The following ADGRV1 variants were observed in gnomAD, a reference collection of about 807,000 sequenced individuals.
The protein encoded by ADGRV1 is G-protein coupled receptor 98.
ADGRV1 carries 359 observed loss-of-function variants against 596.2 expected under a neutral mutation model. The observed-to-expected ratio is 0.60, with a 90% CI of 0.55 to 0.66. The LOEUF is 0.66. Ranked by LOEUF, ADGRV1 falls within the 30% of genes least tolerant of loss-of-function variation. ADGRV1 has a pLI of 0.00. For synonymous variants in ADGRV1, 2,681 were observed against 2,679.2 expected (o/e 1.00, Z -0.02); for missense variants, 7,274 against 7,575.6 (o/e 0.96, Z 1.48).
chr5:91,078,145 G>C (rs575319009), intron 86 of ADGRV1, among the ~76,000 whole-genome samples: 1 of 151,944 alleles, frequency 6.6e-6, no homozygotes, highest in Non-Finnish European at 1.5e-5. Flanking sequence ...GAGGATGAAT[G>C]CTTCCATTTC....
rs1413836551 is a variant in ADGRV1 at position 90,712,423 on chromosome 5, C to T, written c.9179C>T (p.Thr3060Ile). The change falls in exon 42 of 90, where the codon ACA becomes ATA. Residue 3060 changes from threonine (T) to isoleucine (I), a missense_variant. Around this residue, in one of 5 missense-constraint regions of ADGRV1, gnomAD observed 3,643 missense variants for 3,809.2 expected, o/e 0.96. Transcript: ENST00000405460. Reference protein sequence around the residue: ...PSPGLELGKNTIALIIVLAND... With the variant: ...PSPGLELGKNIIALIIVLAND... Reference sequence around the variant, plus strand: ...CCTGGACTAGAGCTAGGGAAAAATACAATAGGTAATTAATAATTTCTTATA... The same window carrying T: ...CCTGGACTAGAGCTAGGGAAAAATATAATAGGTAATTAATAATTTCTTATA... 4 of 1,582,008 alleles carry T rather than the reference C, an allele frequency of 2.5e-6. No individual in the cohort carries two copies. The highest frequency in any genetic ancestry group is 2.7e-5 in the African/African-American group (2 of 74,280).
chr5:91,099,447 C>G (rs1299298336), intron 86 of ADGRV1, among the ~76,000 whole-genome samples: 2 of 152,118 alleles, frequency 1.3e-5, no homozygotes, highest in Non-Finnish European at 2.9e-5. Flanking sequence ...TGTCAGAAGC[C>G]AATCGTTGTG....
At position 91,107,038 on chromosome 5, in the gene ADGRV1, G is replaced by A. The variant is rs116511505; in HGVS notation, c.18432+4698G>A. On this transcript the variant is annotated intron_variant, in intron 87 of 89. Coordinates refer to ENST00000405460, the MANE Select transcript of ADGRV1 (RefSeq NM_032119.4). ...AGCTGTGGTTCCCAAACCGTTATGT[G>A]TAGCAGAATTCCATGGGGAGCTTGT... 1.9e-3 allele frequency among the ~76,000 whole-genome samples: 296 copies of A among 152,298 alleles called. 1 individual carries two copies. The highest frequency in any genetic ancestry group is 7.0e-3 in the African/African-American group (290 of 41,548).
chr5:91,033,321 C>T (rs1784624837), intron 85 of ADGRV1, among the ~76,000 whole-genome samples: 1 of 152,082 alleles, frequency 6.6e-6, no homozygotes, highest in Non-Finnish European at 1.5e-5. Context: ...CTAGAGTTTT[C>T]TATAGGAATT....
chr5:90,685,746 T>C (rs181686617), intron 28 of ADGRV1, 34 bp from the exon 29 acceptor site: 2 of 1,528,804 alleles, frequency 1.3e-6, no homozygotes, highest in Non-Finnish European at 1.8e-6. Flanking sequence ...TTTTGATAGC[T>C]TTCTGTGTTC....
intron 53 of ADGRV1, 104 bp downstream of exon 53, chr5:90,750,801 A>G: frequency 1.3e-6 from 1 of 768,620 alleles, no homozygotes; most frequent in Non-Finnish European, 2.1e-6. Context: ...GTTTGACCAT[A>G]TCAACACTGA....
At chr5:90,768,520 G>A (rs929556998) in intron 59 of ADGRV1, among the ~76,000 whole-genome samples, 51 of 152,010 alleles carry the variant, frequency 3.4e-4, no homozygotes, top group African/African-American at 1.2e-3. Flanking sequence ...TTATACCTAC[G>A]GTACATCCCA....
chr5:91,035,861 T>TATATAATATATATATATA, intron 85 of ADGRV1, among the ~76,000 whole-genome samples: 4 of 96,400 alleles, frequency 4.1e-5, no homozygotes, highest in African/African-American at 1.1e-4. Context: ...TATATATATA[T>TATATAATATATATATATA]TATATATATA....
chr5:90,645,921 T>A, intron 15 of ADGRV1, 47 bp from the exon 16 acceptor site: 1 of 1,442,376 alleles, frequency 6.9e-7, no homozygotes, highest in Non-Finnish European at 9.3e-7. Flanking sequence ...ATGATGTAAT[T>A]TATATGTATA....
chr5:90,815,543 T>C, intron 74 of ADGRV1, 76 bp from the exon 75 acceptor site: 1 of 776,616 alleles, frequency 1.3e-6, no homozygotes, highest in Non-Finnish European at 2.2e-6. Flanking sequence ...CCATCTGAGC[T>C]GGCAAGATTA....
chr5:90,558,809 C>T lies in ADGRV1; in HGVS notation c.-87C>T, dbSNP rs893654315. The T allele has an allele frequency of 3.7e-6, 5 of 1,336,540 alleles. No individual in the cohort carries two copies. The highest frequency in any genetic ancestry group is 5.3e-6 in the Non-Finnish European group (5 of 951,114). The allele number at this position is 1,336,540 out of a possible 1,614,324, so 82.8% of individuals were successfully genotyped here. On this transcript the variant is annotated 5_prime_UTR_variant, in exon 1 of 90. Transcript: ENST00000405460. ...CTGATCCTGTAGTGGTAGTAAGAAT[C>T]AGCAGCGCGGGCAAGGAGTACGGAC...
intron 83 of ADGRV1, among the ~76,000 whole-genome samples, chr5:90,865,046 C>T (rs1767963829): frequency 6.6e-6 from 1 of 152,004 alleles, no homozygotes; most frequent in African/African-American, 2.4e-5. Flanking sequence ...TTCTGTCACC[C>T]TTTTTTGTTC....
intron 85 of ADGRV1, among the ~76,000 whole-genome samples, chr5:91,009,505 T>A (rs569042233): frequency 8.5e-5 from 13 of 152,150 alleles, no homozygotes; most frequent in Non-Finnish European, 1.8e-4. Context: ...GATTTCAGAA[T>A]AAATTTTATT....
intron 1 of ADGRV1, among the ~76,000 whole-genome samples, chr5:90,610,698 G>T (rs1430789274): frequency 2.0e-5 from 3 of 152,020 alleles, no homozygotes; most frequent in Non-Finnish European, 2.9e-5. Context: ...ATATGAGTTT[G>T]CAGTATCACA....
In ADGRV1 at chr5:90,728,685, G is replaced by C; in HGVS notation, c.10178G>C (p.Gly3393Ala). ...TTCCTTCAGGTCTTCAGGTGGAATG[G>C]AGGAAGCTTCGTGTTGCATCAAAAA... Reference protein sequence around the residue: ...SELTQVFRWNGGSFVLHQKLP... With the variant: ...SELTQVFRWNAGSFVLHQKLP... Residue 3393 changes from glycine (G) to alanine (A), a missense_variant, in exon 49 of 90, where the codon GGA becomes GCA. Physicochemically the swap from Gly to Ala is moderately conservative, Grantham distance 60. Coordinates refer to ENST00000405460, the MANE Select transcript of ADGRV1 (RefSeq NM_032119.4). 2.5e-6 allele frequency: 4 copies of C among 1,610,028 alleles called. No individual in the cohort carries two copies. The highest frequency in any genetic ancestry group is 3.4e-6 in the Non-Finnish European group (4 of 1,177,102).
chr5:91,077,438 C>G (rs1045457658), intron 86 of ADGRV1, among the ~76,000 whole-genome samples: 1 of 152,186 alleles, frequency 6.6e-6, no homozygotes, highest in Non-Finnish European at 1.5e-5. Context: ...TCCCTTACAC[C>G]GTGTATTTTG....
At position 90,783,955 on chromosome 5, in the gene ADGRV1, A is replaced by G. The variant is rs772386126; in HGVS notation, c.13551A>G (p.Ile4517Met). 3.1e-6 allele frequency: 5 copies of G among 1,612,212 alleles called. No individual in the cohort carries two copies. Among genetic ancestry groups the G allele is most frequent in the Middle Eastern group, 1.7e-4 (1 of 6,052 alleles). The stretch of plus-strand genomic sequence containing the variant: ...AGAGTGACTCTCCCTTTGGAGTTAT[A>G]AGGTTTCTCAATCAAAGCAAAATTT... ...IAKSDSPFGV[I>M]RFLNQSKISI... The change falls in exon 67 of 90, where the codon ATA becomes ATG. Residue 4517 changes from isoleucine to methionine, a missense_variant. This residue lies in a region of ADGRV1 where 3,643 missense variants were observed against 3,809.2 expected (regional missense o/e 0.96). Transcript: ENST00000405460.
At chr5:90,837,290 G>C (rs2150348711) in intron 77 of ADGRV1, among the ~76,000 whole-genome samples, 1 of 151,898 alleles carries the variant, frequency 6.6e-6, no homozygotes, top group Non-Finnish European at 1.5e-5. Flanking sequence ...AAGCACACAA[G>C]TTCAAGAAAG....
chr5:91,032,075 A>G (rs981535506), intron 85 of ADGRV1, among the ~76,000 whole-genome samples: 1 of 152,244 alleles, frequency 6.6e-6, no homozygotes, highest in African/African-American at 2.4e-5. Flanking sequence ...TATTGAGAAG[A>G]TGAGATTTGA....
Sources: gnomAD v4.1 joint callset for allele counts (sites outside exome capture counted in the v4.1 genomes callset) on GRCh38, gnomAD v4.1.1 for gene constraint, gnomAD v4.1.1 regional missense constraint, MANE v1.5 for transcripts, NCBI Gene and HGNC (gene_info 2026-07-23, HGNC 2026-07-21) for gene names.